Variants in GRIK2 observed in about 807,000 individuals in gnomAD.
The protein encoded by GRIK2 is glutamate ionotropic receptor kainate type subunit 2.
A neutral mutation model predicts 100.3 loss-of-function variants in GRIK2; 32 were observed. The ratio of observed to expected loss-of-function variants is 0.32; its 90% CI spans 0.24 to 0.43. The LOEUF is 0.43. Among genes scored for constraint, GRIK2 ranks in the 20% least tolerant of loss-of-function variants. GRIK2 has a pLI of 1.00. For synonymous variants in GRIK2, 417 were observed against 389.4 expected, an observed-to-expected ratio of 1.07 and a Z score of -0.83; for missense variants, 843 against 1,114.9, an observed-to-expected ratio of 0.76 and a Z score of 3.47.
chr6:101,816,774 C>T (rs1264776026), intron 9 of GRIK2, among the ~76,000 whole-genome samples: 1 of 151,818 alleles, frequency 6.6e-6, no homozygotes, highest in Non-Finnish European at 1.5e-5. Flanking sequence ...TTTTGACACC[C>T]CTCCATCCTT....
chr6:101,445,925 A>C (rs1330888025), intron 2 of GRIK2, among the ~76,000 whole-genome samples: 1 of 152,106 alleles, frequency 6.6e-6, no homozygotes, highest in Non-Finnish European at 1.5e-5. Context: ...GTTAAAATAC[A>C]GTTTTACATC....
intron 16 of GRIK2, among the ~76,000 whole-genome samples, chr6:102,061,363 A>G (rs777023248): frequency 6.6e-6 from 1 of 150,638 alleles, no homozygotes; most frequent in Non-Finnish European, 1.5e-5. Context: ...AGATGAGGAT[A>G]ATAAGTATCT....
chr6:101,650,233 A>G (rs1415257767), intron 4 of GRIK2, among the ~76,000 whole-genome samples: 1 of 152,140 alleles, frequency 6.6e-6, no homozygotes, highest in Non-Finnish European at 1.5e-5. Context: ...ATTGGAAACC[A>G]ATTAGTAAGG....
At chr6:101,470,224 T>A (rs1295594073) in intron 2 of GRIK2, among the ~76,000 whole-genome samples, 1 of 152,186 alleles carries the variant, frequency 6.6e-6, no homozygotes, top group Non-Finnish European at 1.5e-5. Context: ...ACTACCCACG[T>A]TAGCAGCTCC....
intron 4 of GRIK2, among the ~76,000 whole-genome samples, chr6:101,658,129 A>C (rs1185756849): frequency 6.6e-6 from 1 of 152,138 alleles, no homozygotes; most frequent in East Asian, 1.9e-4. Context: ...ATAGGTATAC[A>C]CAAGCCATGG....
chr6:101,912,054 A>G lies in GRIK2; in HGVS notation c.1749-12547A>G, dbSNP rs1427089859. On this transcript the variant is annotated intron_variant, in intron 12 of 16. Transcript: ENST00000369134. Reference sequence around the variant, plus strand: ...TGATTACCAGGGGCAACGCACACACACACACACACACACACACACACACAC... The same window carrying G: ...TGATTACCAGGGGCAACGCACACACGCACACACACACACACACACACACAC... Among the ~76,000 whole-genome samples, 6 of 40,314 alleles carry G rather than the reference A, an allele frequency of 1.5e-4. 1 individual carries two copies. The highest frequency in any genetic ancestry group is 2.8e-4 in the Non-Finnish European group (6 of 21,744). 26.4% of individuals were successfully genotyped at this position (40,314 alleles called of 152,430 possible).
At chr6:101,987,203 G>C (rs183203659) in intron 14 of GRIK2, among the ~76,000 whole-genome samples, 1 of 151,858 alleles carries the variant, frequency 6.6e-6, no homozygotes, top group African/African-American at 2.4e-5. Context: ...ATCCCTACAA[G>C]AGATGAATAT....
intron 7 of GRIK2, among the ~76,000 whole-genome samples, chr6:101,731,226 A>C: frequency 6.6e-6 from 1 of 151,086 alleles, no homozygotes; most frequent in South Asian, 2.1e-4. Flanking sequence ...CAGTTGCTAA[A>C]GAAACTGTTT....
intron 2 of GRIK2, among the ~76,000 whole-genome samples, chr6:101,564,497 A>T (rs1285222070): frequency 1.3e-5 from 2 of 152,162 alleles, no homozygotes; most frequent in Admixed American, 1.3e-4. Flanking sequence ...ACCTGAATTC[A>T]AGTTGCTCAC....
intron 16 of GRIK2, 62 bp from the exon 17 acceptor site, chr6:102,068,285 G>C (rs768528238): frequency 2.8e-4 from 338 of 1,204,300 alleles, no homozygotes; most frequent in Non-Finnish European, 3.7e-4. Flanking sequence ...TTTTAATATT[G>C]ATCTTGGACA....
chr6:101,400,224 AT>A (rs548478035), intron 2 of GRIK2, among the ~76,000 whole-genome samples: 5 of 152,116 alleles, frequency 3.3e-5, no homozygotes, highest in Admixed American at 2.6e-4. Flanking sequence ...AGGTAGTTAC[AT>A]TTTTTTATGG....
intron 9 of GRIK2, among the ~76,000 whole-genome samples, chr6:101,804,732 A>G (rs1780880213): frequency 6.6e-6 from 1 of 151,962 alleles, no homozygotes; most frequent in Non-Finnish European, 1.5e-5. Flanking sequence ...GGATGGGTGG[A>G]GGTAAGTTAA....
At chr6:101,788,102 G>C (rs1779561007) in intron 7 of GRIK2, among the ~76,000 whole-genome samples, 2 of 151,938 alleles carry the variant, frequency 1.3e-5, no homozygotes, top group African/African-American at 4.8e-5. Flanking sequence ...TTTGATATAA[G>C]TATAGCTATT....
Position 101,798,747 on chromosome 6 carries a change from T to C in GRIK2, c.952-901T>C, listed in dbSNP as rs538820197. Among the ~76,000 whole-genome samples, 13 of 152,140 alleles carry C rather than the reference T, an allele frequency of 8.5e-5. No homozygotes were observed. In the South Asian group the frequency reaches 2.7e-3, roughly 32 times the overall value. On this transcript the variant is annotated intron_variant, in intron 7 of 16. Transcript: ENST00000369134. Reference sequence around the variant, plus strand: ...TTACTAGGAGCATTGTCAGTGTGGCTGTCTTTTCTAGGTAGTAAGCCTGGC... The same window carrying C: ...TTACTAGGAGCATTGTCAGTGTGGCCGTCTTTTCTAGGTAGTAAGCCTGGC...
In GRIK2 at chr6:101,895,847, A is replaced by G. The variant is rs1787405195; in HGVS notation, c.1748+5984A>G. ...ATTCTTCACACTTAGCAATTTTCCT[A>G]AAATTTACTGAAAATTTAGTTTTAA... On this transcript the variant is annotated intron_variant, in intron 12 of 16. Transcript: ENST00000369134. Among the ~76,000 whole-genome samples the G allele has an allele frequency of 4.0e-5, 6 of 151,888 alleles. No homozygotes were observed. The South Asian group carries it at 1.0e-3, about 26-fold the overall frequency.
intron 7 of GRIK2, chr6:101,744,543 T>TATACAC (rs1389264660): frequency 8.4e-5 from 11 of 130,864 alleles, no homozygotes; most frequent in African/African-American, 2.9e-4. Flanking sequence ...TATATATATA[T>TATACAC]ATATATATAT....
chr6:101,429,197 G>A (rs891290858), intron 2 of GRIK2, among the ~76,000 whole-genome samples: 3 of 152,164 alleles, frequency 2.0e-5, no homozygotes, highest in Non-Finnish European at 4.4e-5. Context: ...TTTACAAGCA[G>A]CTATTTACTT....
chr6:101,772,389 G>C (rs1778460328), intron 7 of GRIK2, among the ~76,000 whole-genome samples: 1 of 152,194 alleles, frequency 6.6e-6, no homozygotes, highest in Admixed American at 6.5e-5. Flanking sequence ...GCTGCAGTAA[G>C]AAGAGATGTT....
At chr6:102,035,636 T>C in intron 15 of GRIK2, 70 bp downstream of exon 15, 1 of 862,692 alleles carries the variant, frequency 1.2e-6, no homozygotes. Flanking sequence ...GGAAAAATAG[T>C]GTGTCCACGT....
Sources: gnomAD v4.1 joint callset for allele counts (sites outside exome capture counted in the v4.1 genomes callset) on GRCh38, gnomAD v4.1.1 for gene constraint, MANE v1.5 for transcripts, NCBI Gene and HGNC (gene_info 2026-07-23, HGNC 2026-07-21) for gene names.